CDH19: variants seen among roughly 807,000 people sequenced by gnomAD.
The protein encoded by CDH19 is cadherin-19.
CDH19 carries 67 observed loss-of-function variants against 64.2 expected under a neutral mutation model. The observed-to-expected ratio is 1.04, with a 90% CI of 0.86 to 1.28. CDH19 has a LOEUF of 1.28. CDH19 is among the 50% of genes most tolerant of loss of function. The pLI is 0.00. For synonymous variants in CDH19, 346 were observed against 319.3 expected (o/e 1.08, Z -0.89); for missense variants, 1,030 against 929.0 (o/e 1.11, Z -1.41).
Position 66,549,740 on chromosome 18 carries a change from G to T in CDH19, c.775+1354C>A, listed in dbSNP as rs146577220. ...AGATCTGATAACCTTGCATATGTTG[G>T]CTACACTGAGTAGTTGTCTGTATCA... On this transcript the variant is annotated intron_variant, in intron 5 of 11. Transcript: ENST00000262150. Among the ~76,000 whole-genome samples, 90 of 152,200 alleles carry T rather than the reference G, an allele frequency of 5.9e-4. No homozygotes were observed. The East Asian group carries it at 0.015, about 26-fold the overall frequency.
At chr18:66,559,833 A>C (rs1286230916) in intron 3 of CDH19, among the ~76,000 whole-genome samples, 3 of 151,830 alleles carry the variant, frequency 2.0e-5, no homozygotes, top group African/African-American at 7.2e-5. Flanking sequence ...GATATAAGTA[A>C]ATAGATGAAA....
chr18:66,551,395 A>C, intron 4 of CDH19, 137 bp from the exon 5 acceptor site: 1 of 586,930 alleles, frequency 1.7e-6, no homozygotes, highest in East Asian at 2.9e-5. Context: ...TCACTAGAGA[A>C]AAATAATAAA....
At chr18:66,583,766 T>A (rs1599035036) in intron 1 of CDH19, among the ~76,000 whole-genome samples, 1 of 152,196 alleles carries the variant, frequency 6.6e-6, no homozygotes, top group African/African-American at 2.4e-5. Flanking sequence ...GACTCTCTAT[T>A]CCATAAATGG....
chr18:66,559,750 A>G (rs1987651803), intron 3 of CDH19, among the ~76,000 whole-genome samples: 1 of 151,130 alleles, frequency 6.6e-6, no homozygotes, highest in Non-Finnish European at 1.5e-5. Context: ...AATATATATG[A>G]AAAGAAATAA....
chr18:66,568,829 C>A, intron 2 of CDH19, 119 bp from the exon 3 acceptor site: 1 of 808,740 alleles, frequency 1.2e-6, no homozygotes, highest in African/African-American at 1.7e-5. Context: ...ATATTATTTC[C>A]ACATTACATT....
At chr18:66,505,367 TGCTCTC>T in intron 11 of CDH19, 65 bp from the exon 12 acceptor site, 1 of 1,242,514 alleles carries the variant, frequency 8.0e-7, no homozygotes, top group Middle Eastern at 2.0e-4. Context: ...TTACAGTCTT[TGCTCTC>T]ATTTCAAGCT....
chr18:66,523,173 A>G (rs1223470834), intron 9 of CDH19, among the ~76,000 whole-genome samples: 1 of 152,148 alleles, frequency 6.6e-6, no homozygotes, highest in African/African-American at 2.4e-5. Context: ...TTGGGAAATG[A>G]CTGATTCCAT....
At chr18:66,537,470 T>A (rs771669207) in intron 7 of CDH19, among the ~76,000 whole-genome samples, 1 of 152,040 alleles carries the variant, frequency 6.6e-6, no homozygotes, top group South Asian at 2.1e-4. Context: ...ATGGTGATAT[T>A]AACATTGAGA....
At chr18:66,517,227 T>A (rs1011289726) in intron 9 of CDH19, among the ~76,000 whole-genome samples, 3 of 151,846 alleles carry the variant, frequency 2.0e-5, no homozygotes, top group African/African-American at 7.3e-5. Context: ...AGGAAGAGAA[T>A]CATAGATCAC....
intron 4 of CDH19, among the ~76,000 whole-genome samples, chr18:66,552,836 G>GGTAT (rs1987393593): frequency 7.5e-6 from 1 of 133,666 alleles, no homozygotes; most frequent in Non-Finnish European, 1.5e-5. Flanking sequence ...ACGAAGGCCT[G>GGTAT]GTATGACCCA....
intron 10 of CDH19, 82 bp from the exon 11 acceptor site, chr18:66,509,328 T>C (rs957529535): frequency 8.3e-7 from 1 of 1,197,796 alleles, no homozygotes; most frequent in Non-Finnish European, 1.2e-6. Context: ...CTAGGGACAA[T>C]AGTATAGAGA....
Position 66,553,108 on chromosome 18 carries a change from T to A in CDH19, c.610+1297A>T, listed in dbSNP as rs573292622. On this transcript the variant is annotated intron_variant, in intron 4 of 11. Coordinates refer to ENST00000262150, the MANE Select transcript of CDH19 (RefSeq NM_021153.4). ...TCCCACTGAAACTTTTTGGTTTTAC[T>A]TCATAAGTACCTACAGTGGAATGTA... Among the ~76,000 whole-genome samples, 3 of 134,894 alleles carry A rather than the reference T, an allele frequency of 2.2e-5. No homozygotes were observed. The East Asian group carries it at 5.8e-4, about 26-fold the overall frequency. The allele number at this position is 134,894 out of a possible 152,430, so 88.5% of individuals were successfully genotyped here.
intron 5 of CDH19, among the ~76,000 whole-genome samples, chr18:66,548,908 A>G (rs1273662998): frequency 6.6e-6 from 1 of 152,182 alleles, no homozygotes; most frequent in African/African-American, 2.4e-5. Flanking sequence ...TTTCGATGTG[A>G]TAGATATGAA....
At position 66,568,676 on chromosome 18, in the gene CDH19, A is replaced by G. The variant is rs1415920642; in HGVS notation, c.230T>C (p.Phe77Ser). The G allele has an allele frequency of 2.5e-6, 4 of 1,609,940 alleles. No homozygotes were observed. In the African/African-American group the frequency reaches 5.4e-5, roughly 22 times the overall value. Residue 77 changes from phenylalanine to serine, a missense_variant, in exon 3 of 12, where the codon TTC becomes TCC. Transcript: ENST00000262150. The part of the protein sequence containing the change: ...RSDLDNGNNS[F>S]QYKLLGAGAG... ...TCCAGCTCCCAAAAGCTTGTACTGGAAAGAATTGTTTCCATTGTCTAAATC... is the reference window on the plus strand; with the variant it reads ...TCCAGCTCCCAAAAGCTTGTACTGGGAAGAATTGTTTCCATTGTCTAAATC...
At chr18:66,520,959 T>C (rs1985957515) in intron 9 of CDH19, among the ~76,000 whole-genome samples, 2 of 152,110 alleles carry the variant, frequency 1.3e-5, no homozygotes, top group South Asian at 4.1e-4. Context: ...TTCTTTTTAT[T>C]AGTTTTAAGG....
intron 1 of CDH19, among the ~76,000 whole-genome samples, chr18:66,600,824 T>C (rs1199550227): frequency 1.3e-5 from 2 of 151,902 alleles, no homozygotes; most frequent in Non-Finnish European, 2.9e-5. Context: ...AGGGTTGGGT[T>C]ATTCTATAAG....
In CDH19 at chr18:66,552,490, T is replaced by C. The variant is rs1369598827; in HGVS notation, c.611-1232A>G. Among the ~76,000 whole-genome samples the C allele has an allele frequency of 4.5e-5, 4 of 88,906 alleles. 1 individual carries two copies. 58.3% of individuals were successfully genotyped at this position (88,906 alleles called of 152,430 possible). A position where few individuals can be genotyped will look rare whatever the true frequency, so the allele number is the denominator to read the frequency against. On this transcript the variant is annotated intron_variant, in intron 4 of 11. Transcript: ENST00000262150. ...GTGTTTCACACATGTAATCAATTAT[T>C]TGAATCCAATGGAAAGCATTCAATA...
chr18:66,564,118 A>G (rs756139625), intron 3 of CDH19, among the ~76,000 whole-genome samples: 1 of 151,886 alleles, frequency 6.6e-6, no homozygotes, highest in Non-Finnish European at 1.5e-5. Flanking sequence ...TTAAATTTGT[A>G]TAGATTTTCC....
rs549858100 is a variant in CDH19, at chr18:66,505,085, G to A, written c.2046C>T (p.Tyr682=). Residue 682 remains tyrosine (Y), a synonymous_variant, in exon 12 of 12, where the codon TAC becomes TAT. Coordinates refer to ENST00000262150, the MANE Select transcript of CDH19 (RefSeq NM_021153.4). ...KTTSAEIRSL[Y]RQSLQVGPDS... ...CGGGGCCAACTTGCAAAGACTGCCTGTATAGGCTCCTGATCTCAGCGCTTG... is the reference window on the plus strand; with the variant it reads ...CGGGGCCAACTTGCAAAGACTGCCTATATAGGCTCCTGATCTCAGCGCTTG... 1.1e-5 allele frequency: 18 copies of A among 1,613,568 alleles called. No individual in the cohort carries two copies. The highest frequency in any genetic ancestry group is 2.7e-5 in the African/African-American group (2 of 74,878).
Sources: allele counts gnomAD v4.1 joint callset (sites outside exome capture counted in the v4.1 genomes callset), GRCh38; gene constraint gnomAD v4.1.1; transcripts MANE v1.5; gene names NCBI Gene and HGNC (gene_info 2026-07-23, HGNC 2026-07-21).